STAG1: variants seen among roughly 807,000 people sequenced by gnomAD.
STAG1 encodes the protein cohesin subunit SA-1.
In STAG1, 26 loss-of-function variants were observed where a neutral mutation model predicts 170.9. That is an observed-to-expected ratio of 0.15 (90% CI 0.11 to 0.21). STAG1 has a LOEUF of 0.21. Ranked by LOEUF, STAG1 falls within the 10% of genes least tolerant of loss-of-function variation. The probability of loss-of-function intolerance (pLI) is 1.00; values close to 1 mark genes in which losing one functional copy is unlikely to be tolerated. For synonymous variants in STAG1, 514 were observed against 497.7 expected (o/e 1.03, Z -0.44); for missense variants, 964 against 1,509.5 (o/e 0.64, Z 5.99).
At chr3:136,462,011 A>C (rs528025418) in intron 13 of STAG1, among the ~76,000 whole-genome samples, 1 of 152,208 alleles carries the variant, frequency 6.6e-6, no homozygotes, top group Admixed American at 6.5e-5. Context: ...ATCTTACCTC[A>C]TTTTCAATAG....
intron 1 of STAG1, among the ~76,000 whole-genome samples, chr3:136,712,051 C>T (rs1943397198): frequency 6.6e-6 from 1 of 152,186 alleles, no homozygotes; most frequent in East Asian, 1.9e-4. Flanking sequence ...TGGACTCTTG[C>T]TCTGTCGCCA....
At chr3:136,340,159 T>G (rs1935909443) in intron 32 of STAG1, among the ~76,000 whole-genome samples, 1 of 152,184 alleles carries the variant, frequency 6.6e-6, no homozygotes, top group Non-Finnish European at 1.5e-5. Context: ...GGATAATTTT[T>G]TTTTGTTTTT....
chr3:136,537,502 T>TG (rs1280679519), intron 6 of STAG1, among the ~76,000 whole-genome samples: 22 of 143,252 alleles, frequency 1.5e-4, no homozygotes, highest in Non-Finnish European at 2.7e-4. Flanking sequence ...TTATTTTTTT[T>TG]TTGTTTTTTT....
chr3:136,502,852 C>CCAAT, intron 7 of STAG1, 73 bp from the exon 8 acceptor site: 1 of 1,191,256 alleles, frequency 8.4e-7, no homozygotes, highest in Non-Finnish European at 1.1e-6. Flanking sequence ...ATTTATAAAG[C>CCAAT]CAATGGATGA....
At chr3:136,423,261 T>C (rs1318983576) in intron 16 of STAG1, among the ~76,000 whole-genome samples, 1 of 152,294 alleles carries the variant, frequency 6.6e-6, no homozygotes, top group East Asian at 1.9e-4. Flanking sequence ...TATTTGTTTA[T>C]GTCAAATAAA....
intron 7 of STAG1, among the ~76,000 whole-genome samples, chr3:136,513,290 T>C (rs529672657): frequency 2.0e-4 from 31 of 151,240 alleles, no homozygotes; most frequent in Non-Finnish European, 3.8e-4. Flanking sequence ...CCAGGAGGCA[T>C]AGGTCATAGC....
At chr3:136,444,449 A>C (rs764370497) in intron 14 of STAG1, among the ~76,000 whole-genome samples, 1 of 152,192 alleles carries the variant, frequency 6.6e-6, no homozygotes, top group Non-Finnish European at 1.5e-5. Context: ...GGTTTCTGCT[A>C]CTTACAAGTA....
intron 1 of STAG1, among the ~76,000 whole-genome samples, chr3:136,660,802 T>TAA (rs539754962): frequency 6.8e-6 from 1 of 147,654 alleles, no homozygotes; most frequent in Non-Finnish European, 1.5e-5. Flanking sequence ...ACCCAATCTC[T>TAA]AAAAAAAAAA....
At chr3:136,444,836 T>G (rs1202796138) in intron 14 of STAG1, among the ~76,000 whole-genome samples, 1 of 152,190 alleles carries the variant, frequency 6.6e-6, no homozygotes, top group Non-Finnish European at 1.5e-5. Flanking sequence ...TTCCTAACTC[T>G]ATAATCACTC....
chr3:136,388,342 G>T (rs939288130), intron 22 of STAG1, among the ~76,000 whole-genome samples: 2 of 152,068 alleles, frequency 1.3e-5, no homozygotes, highest in Admixed American at 1.3e-4. Flanking sequence ...CAAAATGCTG[G>T]AAACAGAAGA....
intron 16 of STAG1, among the ~76,000 whole-genome samples, chr3:136,425,788 GA>G (rs1673240977): frequency 6.7e-6 from 1 of 150,164 alleles, no homozygotes; most frequent in Admixed American, 6.7e-5. Context: ...AAAAGTGCAA[GA>G]AAGTAATTAA....
intron 13 of STAG1, among the ~76,000 whole-genome samples, chr3:136,454,071 T>A (rs1337352699): frequency 6.6e-6 from 1 of 152,088 alleles, no homozygotes; most frequent in Non-Finnish European, 1.5e-5. Flanking sequence ...AATATGAATA[T>A]CCCTGATAAC....
At chr3:136,466,147 G>T (rs566760137) in intron 12 of STAG1, among the ~76,000 whole-genome samples, 2 of 152,318 alleles carry the variant, frequency 1.3e-5, no homozygotes, top group East Asian at 1.9e-4. Context: ...AACAAAGCTG[G>T]ACGGAGAATG....
chr3:136,617,519 C>T (rs1211415482), intron 3 of STAG1, among the ~76,000 whole-genome samples: 1 of 152,184 alleles, frequency 6.6e-6, no homozygotes, highest in African/African-American at 2.4e-5. Flanking sequence ...TACTGAAGAT[C>T]AAGGAGGAAC....
At chr3:136,630,317 A>C (rs1248030902) in intron 2 of STAG1, among the ~76,000 whole-genome samples, 3 of 152,110 alleles carry the variant, frequency 2.0e-5, no homozygotes, top group African/African-American at 7.2e-5. Context: ...GGTAGCCGGA[A>C]CACCTCAACA....
chr3:136,713,130 T>TA (rs1305583368), intron 1 of STAG1, among the ~76,000 whole-genome samples: 1 of 152,044 alleles, frequency 6.6e-6, no homozygotes, highest in Non-Finnish European at 1.5e-5. Context: ...CAGTAATACT[T>TA]ACAATGGTCC....
intron 4 of STAG1, among the ~76,000 whole-genome samples, chr3:136,573,195 A>C (rs367746755): frequency 1.7e-5 from 1 of 58,626 alleles, no homozygotes; most frequent in Non-Finnish European, 3.5e-5. Context: ...GAAAAGGATT[A>C]AAAAAAAAAA....
At chr3:136,691,124 C>T (rs1481232259) in intron 1 of STAG1, among the ~76,000 whole-genome samples, 1 of 151,630 alleles carries the variant, frequency 6.6e-6, no homozygotes, top group Non-Finnish European at 1.5e-5. Context: ...ATGGCAAAAC[C>T]TCATCTCCAC....
intron 27 of STAG1, 83 bp from the exon 28 acceptor site, chr3:136,357,931 G>A (rs1039910700): frequency 2.5e-6 from 3 of 1,201,644 alleles, no homozygotes; most frequent in Non-Finnish European, 3.5e-6. Context: ...TATTTGTGAA[G>A]GTAGTAAAAT....
Sources: gnomAD v4.1 joint callset for allele counts (sites outside exome capture counted in the v4.1 genomes callset) on GRCh38, gnomAD v4.1.1 for gene constraint, MANE v1.5 for transcripts, NCBI Gene and HGNC (gene_info 2026-07-23, HGNC 2026-07-21) for gene names.